The following FSTL4 variants were observed in gnomAD, a reference collection of about 807,000 sequenced individuals.
FSTL4 encodes follistatin like 4, also known as follistatin-related protein 4.
A neutral mutation model predicts 78.2 loss-of-function variants in FSTL4; 28 were observed. The observed-to-expected ratio is 0.36, with a 90% CI of 0.27 to 0.49. FSTL4 has a LOEUF of 0.49. Among genes scored for constraint, FSTL4 ranks in the 20% least tolerant of loss-of-function variants. The probability of loss-of-function intolerance (pLI) is 0.98; values close to 1 mark genes in which losing one functional copy is unlikely to be tolerated. For synonymous variants in FSTL4, 422 were observed against 440.5 expected (o/e 0.96, Z 0.53); for missense variants, 922 against 1,084.9 (o/e 0.85, Z 2.11).
At chr5:133,325,504 T>A (rs1206832514) in intron 4 of FSTL4, among the ~76,000 whole-genome samples, 3 of 151,906 alleles carry the variant, frequency 2.0e-5, no homozygotes, top group Non-Finnish European at 4.4e-5. Flanking sequence ...TGGCTCAACA[T>A]CATGAAAGAG....
the FSTL4 span, among the ~76,000 whole-genome samples, chr5:133,758,280 T>A: frequency 3.1e-4 from 47 of 152,318 alleles, 2 homozygotes; most frequent in African/African-American, 9.6e-4. Context: ...ACTGAATTCA[T>A]CAATTTTTAG....
intron 6 of FSTL4, among the ~76,000 whole-genome samples, chr5:133,262,368 C>T (rs547374418): frequency 4.9e-4 from 75 of 152,314 alleles, no homozygotes; most frequent in African/African-American, 1.8e-3. Flanking sequence ...AGTGCCTTTG[C>T]ATCCTGAAAA....
At chr5:133,819,110 T>G in the FSTL4 span, among the ~76,000 whole-genome samples, 1 of 150,280 alleles carries the variant, frequency 6.7e-6, no homozygotes, top group Non-Finnish European at 1.5e-5. Flanking sequence ...ACCTGCTGTT[T>G]CCCTGCCTTG....
At chr5:133,259,001 TGCTACA>T (rs1041856173) in intron 6 of FSTL4, among the ~76,000 whole-genome samples, 7 of 152,132 alleles carry the variant, frequency 4.6e-5, no homozygotes, top group Non-Finnish European at 8.8e-5. Flanking sequence ...CTGTATCTGT[TGCTACA>T]GCGTCCAAAC....
chr5:133,327,790 T>C (rs1754251519), intron 4 of FSTL4, among the ~76,000 whole-genome samples: 1 of 152,164 alleles, frequency 6.6e-6, no homozygotes, highest in African/African-American at 2.4e-5. Flanking sequence ...CTCTCAAAGG[T>C]CACCTGCTGG....
At chr5:133,447,232 C>A (rs1757288122) in intron 3 of FSTL4, among the ~76,000 whole-genome samples, 1 of 152,238 alleles carries the variant, frequency 6.6e-6, no homozygotes, top group Admixed American at 6.5e-5. Context: ...AGAGTGTGGG[C>A]ACCACCTGTC....
intron 14 of FSTL4, among the ~76,000 whole-genome samples, chr5:133,207,493 T>C (rs1199362434): frequency 2.0e-5 from 3 of 152,260 alleles, no homozygotes; most frequent in African/African-American, 7.2e-5. Flanking sequence ...ATCTCTGCTT[T>C]TAATTGGGGA....
chr5:133,261,846 G>C (rs948447962), intron 6 of FSTL4, among the ~76,000 whole-genome samples: 3 of 152,076 alleles, frequency 2.0e-5, no homozygotes, highest in African/African-American at 7.2e-5. Context: ...CAAATAATTA[G>C]CCGGGCATGG....
At chr5:133,623,446 A>G in the FSTL4 span, among the ~76,000 whole-genome samples, 1 of 152,004 alleles carries the variant, frequency 6.6e-6, no homozygotes, top group Non-Finnish European at 1.5e-5. Flanking sequence ...CAATATCCAC[A>G]TGCAAAAGAA....
the FSTL4 span, among the ~76,000 whole-genome samples, chr5:133,734,206 T>C: frequency 3.3e-5 from 5 of 152,038 alleles, 1 homozygote; most frequent in Admixed American, 3.3e-4. Context: ...AAAACCACCA[T>C]AGCAAGCAAA....
At chr5:133,224,492 T>A (rs1208050861) in intron 10 of FSTL4, 1 of 322,524 alleles carries the variant, frequency 3.1e-6, no homozygotes, top group Non-Finnish European at 5.7e-6. Flanking sequence ...ATTTCTCACA[T>A]TTCATGGATG....
the FSTL4 span, among the ~76,000 whole-genome samples, chr5:133,798,873 C>T: frequency 2.0e-5 from 3 of 146,922 alleles, no homozygotes; most frequent in East Asian, 2.0e-4. Context: ...CAGCCTCCTA[C>T]GGTGGGCCTA....
chr5:133,752,828 T>C, the FSTL4 span, among the ~76,000 whole-genome samples: 1 of 152,092 alleles, frequency 6.6e-6, no homozygotes, highest in African/African-American at 2.4e-5. Flanking sequence ...AGAGAAAAGC[T>C]ACCACAGCCT....
rs1371438867 is a variant in FSTL4 at position 133,225,337 on chromosome 5, T to C, written c.1178-53A>G. On this transcript the variant is annotated intron_variant, in intron 9 of 15. Transcript: ENST00000265342. The surrounding 1 kb of genome is among the most constrained non-coding windows in gnomAD (Gnocchi z 4.6). ...ACTGCTCAGCTGGAGACCCACTCAC[T>C]TTCCTTTATGGGGCCATTGAGAGTG... is the stretch of plus-strand genomic sequence containing the variant. 1.2e-6 allele frequency: 2 copies of C among 1,610,070 alleles called. No homozygotes were observed. Among genetic ancestry groups the C allele is most frequent in the African/African-American group, 2.7e-5 (2 of 74,850 alleles).
the FSTL4 span, among the ~76,000 whole-genome samples, chr5:133,829,313 G>A: frequency 6.6e-6 from 1 of 152,166 alleles, no homozygotes; most frequent in East Asian, 1.9e-4. Context: ...CTTGAACCGG[G>A]AGGCAGAGGT....
At chr5:133,282,649 C>T (rs1753036463) in intron 6 of FSTL4, among the ~76,000 whole-genome samples, 1 of 152,134 alleles carries the variant, frequency 6.6e-6, no homozygotes, top group African/African-American at 2.4e-5. Context: ...GCCCTGGGGG[C>T]TGGGACTGCT....
At position 133,603,845 on chromosome 5, in the gene FSTL4, G is replaced by C; in HGVS notation, c.126+13C>G. ...CAGTTTGAAATGTTATGTCCGCAGG[G>C]ATTTGACTATACCTCTGCCTGTGAC... is the stretch of plus-strand genomic sequence containing the variant. On this transcript the variant is annotated intron_variant, in intron 2 of 15. Transcript: ENST00000265342. The C allele has an allele frequency of 6.2e-7, 1 of 1,613,506 alleles. No homozygotes were observed.
At chr5:133,578,630 T>C (rs1189836913) in intron 2 of FSTL4, among the ~76,000 whole-genome samples, 1 of 152,246 alleles carries the variant, frequency 6.6e-6, no homozygotes. Context: ...GGAAATATTA[T>C]ATGAGGATTT....
chr5:133,205,488 T>TTGTA (rs1750469282), intron 14 of FSTL4, among the ~76,000 whole-genome samples: 1 of 152,164 alleles, frequency 6.6e-6, no homozygotes. Flanking sequence ...ATTCCTGGAT[T>TTGTA]TGTATGTTAG....
Sources: allele counts gnomAD v4.1 joint callset (sites outside exome capture counted in the v4.1 genomes callset), GRCh38; gene constraint gnomAD v4.1.1; non-coding constraint Gnocchi (gnomAD v3.1); transcripts MANE v1.5; gene names NCBI Gene and HGNC (gene_info 2026-07-23, HGNC 2026-07-21).